The following ADGRF1 variants were observed in gnomAD, a reference collection of about 807,000 sequenced individuals.
The protein encoded by ADGRF1 is G protein-coupled receptor 110.
Under a neutral mutation model 87.2 loss-of-function variants are expected in ADGRF1, and 85 were observed. The ratio of observed to expected loss-of-function variants is 0.97; its 90% CI spans 0.82 to 1.17. The LOEUF is 1.17. Among genes scored for constraint, ADGRF1 ranks in the 50% most tolerant of loss-of-function variants. The pLI, the probability that ADGRF1 is intolerant of heterozygous loss-of-function variation, is 0.00. For synonymous variants in ADGRF1, 430 were observed against 408.8 expected (o/e 1.05, Z -0.63); for missense variants, 1,169 against 1,077.2 (o/e 1.09, Z -1.19).
chr6:47,016,475 A>G lies in ADGRF1; in HGVS notation c.763+142T>C, dbSNP rs538120278. On this transcript the variant is annotated intron_variant, in intron 8 of 14. Coordinates refer to ENST00000371253, the MANE Select transcript of ADGRF1 (RefSeq NM_153840.4). ...CTAAGTTTCATCTTGGTGCTGGGGGAAACAGCTGCCTGTTTGTGCTGAAAG... is the reference window on the plus strand; with the variant it reads ...CTAAGTTTCATCTTGGTGCTGGGGGGAACAGCTGCCTGTTTGTGCTGAAAG... 4.3e-5 allele frequency: 37 copies of G among 858,684 alleles called. No homozygotes were observed. In the South Asian group the frequency reaches 7.0e-4, roughly 16 times the overall value. The allele number at this position is 858,684 out of a possible 1,614,324, so 53.2% of individuals were successfully genotyped here.
At chr6:47,010,524 G>T (rs1779674778) in intron 10 of ADGRF1, among the ~76,000 whole-genome samples, 1 of 152,206 alleles carries the variant, frequency 6.6e-6, no homozygotes, top group African/African-American at 2.4e-5. Flanking sequence ...GCAGAATCAT[G>T]TAAGTCCCAG....
Position 47,000,041 on chromosome 6 carries a change from C to T in ADGRF1, c.*181G>A, listed in dbSNP as rs9296520. 7.5e-3 allele frequency: 3,951 copies of T among 529,944 alleles called. 118 individuals are homozygous for T. Among genetic ancestry groups the T allele is most frequent in the African/African-American group, 0.065 (3,410 of 52,692 alleles). 32.8% of individuals were successfully genotyped at this position (529,944 alleles called of 1,614,324 possible). On this transcript the variant is annotated 3_prime_UTR_variant, in exon 15 of 15. Coordinates refer to ENST00000371253, the MANE Select transcript of ADGRF1 (RefSeq NM_153840.4). Reference sequence around the variant, plus strand: ...ATCAAATCACATGGAAATAAATCTTCTTTTCATTTAATTGAAGACAAAAGG... The same window carrying T: ...ATCAAATCACATGGAAATAAATCTTTTTTTCATTTAATTGAAGACAAAAGG...
At chr6:47,032,321 T>C (rs921859947) in intron 1 of ADGRF1, among the ~76,000 whole-genome samples, 2 of 152,228 alleles carry the variant, frequency 1.3e-5, no homozygotes, top group African/African-American at 2.4e-5. Flanking sequence ...CCCTCTGGGA[T>C]ACCGTTGGAA....
chr6:47,027,663 C>A, intron 3 of ADGRF1, 41 bp downstream of exon 3: 2 of 1,428,558 alleles, frequency 1.4e-6, no homozygotes, highest in African/African-American at 1.4e-5. Context: ...GGTCCCTTGA[C>A]ACCAAAATCC....
chr6:47,009,750 T>C lies in ADGRF1; in HGVS notation c.1685A>G (p.Gln562Arg), dbSNP rs2113881255. 6.2e-7 allele frequency: 1 copy of C among 1,614,156 alleles called. No individual in the cohort carries two copies. Among genetic ancestry groups the C allele is most frequent in the Non-Finnish European group, 8.5e-7 (1 of 1,180,000 alleles). ...VNETQDIVTC[Q>R]CTHLTSFSIL... ...GGAGAAGGAGGTCAAGTGAGTACAT[T>C]GGCACGTCACGATGTCTTGAGTTTC... The change falls in exon 11 of 15, where the codon CAA (glutamine) becomes CGA (arginine). Residue 562 changes from glutamine to arginine, a missense_variant. Physicochemically the swap from Gln to Arg is conservative, Grantham distance 43. Transcript: ENST00000371253.
rs1412476522 is a variant in ADGRF1, at chr6:47,000,189, G to C, written c.*33C>G. 7 of 1,522,374 alleles carry C rather than the reference G, an allele frequency of 4.6e-6. No individual in the cohort carries two copies. The highest frequency in any genetic ancestry group is 6.4e-6 in the Non-Finnish European group (7 of 1,101,448). The allele number at this position is 1,522,374 out of a possible 1,614,324, so 94.3% of individuals were successfully genotyped here. On this transcript the variant is annotated 3_prime_UTR_variant, in exon 15 of 15. Coordinates refer to ENST00000371253, the MANE Select transcript of ADGRF1 (RefSeq NM_153840.4). Reference sequence around the variant, plus strand: ...TTGTCTCTAAATGTCAAGTTGTTCTGGAAATTTTTTCTTGATTTTATGATT... The same window carrying C: ...TTGTCTCTAAATGTCAAGTTGTTCTCGAAATTTTTTCTTGATTTTATGATT...
At chr6:47,008,817 T>C (rs1370069478) in intron 11 of ADGRF1, 128 bp downstream of exon 11, 8 of 748,718 alleles carry the variant, frequency 1.1e-5, no homozygotes, top group Non-Finnish European at 1.8e-5. Context: ...ATTGTTTCCA[T>C]GCAGTTTTTC....
rs747038822 is a variant in ADGRF1 at position 47,020,720 on chromosome 6, G to A, written c.611+11C>T. 6 of 1,612,578 alleles carry A rather than the reference G, an allele frequency of 3.7e-6. No individual in the cohort carries two copies. In the Admixed American group the frequency reaches 5.0e-5, roughly 13 times the overall value. On this transcript the variant is annotated intron_variant, in intron 7 of 14. Transcript: ENST00000371253. ...CTGGGGATGCCCTTCTAAGACCATT[G>A]TGTTACTTACCGAAATTGGGTGACC...
chr6:47,009,500 G>A lies in ADGRF1; in HGVS notation c.1935C>T (p.Ala645=), dbSNP rs1561867053. ...AAGGGTTCACCGTGGTGTCCACTGT[G>A]GCACCAACAATAAACCAGACATCAG... ...LIADVWFIVG[A]TVDTTVNPSG... is the part of the protein sequence containing the mutation. Residue 645 remains alanine (A), a synonymous_variant, in exon 11 of 15, where the codon GCC becomes GCT. Coordinates refer to ENST00000371253, the MANE Select transcript of ADGRF1 (RefSeq NM_153840.4). The A allele has an allele frequency of 2.5e-6, 4 of 1,614,000 alleles. No homozygotes were observed. Among genetic ancestry groups the A allele is most frequent in the Admixed American group, 1.7e-5 (1 of 59,992 alleles).
In ADGRF1 at chr6:47,009,284, GGTAAT is replaced by G. The variant is rs1272620420; in HGVS notation, c.2146_2150del (p.Ile716HisfsTer7). 4 of 1,614,020 alleles carry G rather than the reference GGTAAT, an allele frequency of 2.5e-6. No homozygotes were observed. The highest frequency in any genetic ancestry group is 1.7e-5 in the Admixed American group (1 of 59,988). ...TATTGCTAGGTTGCGTGACAGCAAT[GGTAAT>G]GACAGATATAATGAGAGGGCACCCA... On this transcript the variant is annotated frameshift_variant, in exon 11 of 15. Transcript: ENST00000371253. LOFTEE classifies it high-confidence loss of function.
At position 47,031,290 on chromosome 6, in the gene ADGRF1, CTCTG is replaced by C. The variant is rs1780414113; in HGVS notation, c.-43-2190_-43-2187del. 2.7e-5 allele frequency among the ~76,000 whole-genome samples: 4 copies of C among 150,232 alleles called. No individual in the cohort carries two copies. In the South Asian group the frequency reaches 8.4e-4, roughly 32 times the overall value. On this transcript the variant is annotated intron_variant, in intron 1 of 14. Coordinates refer to ENST00000371253, the MANE Select transcript of ADGRF1 (RefSeq NM_153840.4). ...CTCTCTTCTCTCTCTCTCTCTCTCT[CTCTG>C]TCTGACTCTCTCTGTCTCTCTGTCT...
chr6:47,039,576 A>C (rs1319220835), intron 1 of ADGRF1, among the ~76,000 whole-genome samples: 2 of 152,208 alleles, frequency 1.3e-5, no homozygotes, highest in Non-Finnish European at 2.9e-5. Context: ...GCTTGAACCC[A>C]GCTGTGAATG....
At chr6:47,023,669 CT>C (rs1456394604) in intron 5 of ADGRF1, among the ~76,000 whole-genome samples, 1 of 152,178 alleles carries the variant, frequency 6.6e-6, no homozygotes, top group Admixed American at 6.5e-5. Flanking sequence ...TATCTCTAGA[CT>C]CCCCTTTTCT....
chr6:47,001,226 A>G (rs1271682550), intron 14 of ADGRF1, among the ~76,000 whole-genome samples: 1 of 152,260 alleles, frequency 6.6e-6, no homozygotes, highest in Non-Finnish European at 1.5e-5. Context: ...TCAATGATCA[A>G]TGCCACAGAT....
At chr6:47,018,722 G>T (rs984274534) in intron 7 of ADGRF1, 13 of 396,084 alleles carry the variant, frequency 3.3e-5, no homozygotes, top group African/African-American at 1.7e-4. Flanking sequence ...GACCAGACTG[G>T]TCAACATGGT....
chr6:47,015,574 C>CTAGCTATTTATTTATT (rs1554135713), intron 8 of ADGRF1, among the ~76,000 whole-genome samples: 8 of 149,182 alleles, frequency 5.4e-5, no homozygotes, highest in African/African-American at 2.0e-4. Context: ...CGATGCCTGG[C>CTAGCTATTTATTTATT]TATTTATTTA....
In ADGRF1 at chr6:46,999,967, G is replaced by A. The variant is rs1015577723; in HGVS notation, c.*255C>T. ...TTTATGGTCAGGGTACAACTGACACGATTTCCAACAAAACCTACTCTTCTG... is the reference window on the plus strand; with the variant it reads ...TTTATGGTCAGGGTACAACTGACACAATTTCCAACAAAACCTACTCTTCTG... On this transcript the variant is annotated 3_prime_UTR_variant, in exon 15 of 15. Transcript: ENST00000371253. 6.0e-5 allele frequency: 23 copies of A among 383,220 alleles called. No individual in the cohort carries two copies. The highest frequency in any genetic ancestry group is 7.3e-4 in the Middle Eastern group (1 of 1,372). 23.7% of individuals were successfully genotyped at this position (383,220 alleles called of 1,614,324 possible). A position where few individuals can be genotyped will look rare whatever the true frequency, so the allele number is the denominator to read the frequency against.
At chr6:47,010,917 C>G (rs1206136383) in intron 10 of ADGRF1, among the ~76,000 whole-genome samples, 1 of 152,176 alleles carries the variant, frequency 6.6e-6, no homozygotes, top group South Asian at 2.1e-4. Context: ...TTCCAAGCAA[C>G]TCCTTGGAAG....
Position 47,016,636 on chromosome 6 carries a change from A to G in ADGRF1, c.744T>C (p.Ser248=), listed in dbSNP as rs769431937. The change falls in exon 8 of 15, where the codon TCT becomes TCC. Residue 248 remains serine, a synonymous_variant. Coordinates refer to ENST00000371253, the MANE Select transcript of ADGRF1 (RefSeq NM_153840.4). ...LHKLFPLEDG[S]FRVFGKAQCN... ...CATTACCTTTTCCGAACACTCTGAA[A>G]GAGCCGTCTTCTAATGGAAACAGCT... is the stretch of plus-strand genomic sequence containing the variant. The G allele has an allele frequency of 1.2e-6, 2 of 1,609,672 alleles. No homozygotes were observed. Among genetic ancestry groups the G allele is most frequent in the East Asian group, 2.2e-5 (1 of 44,794 alleles).
Sources: allele counts gnomAD v4.1 joint callset (sites outside exome capture counted in the v4.1 genomes callset), GRCh38; gene constraint gnomAD v4.1.1; transcripts MANE v1.5; gene names NCBI Gene and HGNC (gene_info 2026-07-23, HGNC 2026-07-21).